Variants in ERBB4 observed in about 807,000 individuals in gnomAD.
ERBB4 encodes receptor tyrosine-protein kinase erbB-4.
In ERBB4, 42 loss-of-function variants were observed where a neutral mutation model predicts 158.0. The ratio of observed to expected loss-of-function variants is 0.27; its 90% CI spans 0.21 to 0.34. The LOEUF (loss-of-function observed/expected upper bound fraction) is 0.34, where lower values mean the gene tolerates loss of function less well. Among genes scored for constraint, ERBB4 ranks in the 10% least tolerant of loss-of-function variants. The pLI is 1.00. For synonymous variants in ERBB4, 583 were observed against 558.7 expected, an observed-to-expected ratio of 1.04 and a Z score of -0.61; for missense variants, 1,333 against 1,624.1, an observed-to-expected ratio of 0.82 and a Z score of 3.08.
chr2:211,525,983 G>T (rs1055505145), intron 20 of ERBB4, among the ~76,000 whole-genome samples: 1 of 152,112 alleles, frequency 6.6e-6, no homozygotes, highest in Non-Finnish European at 1.5e-5. Context: ...GCTGCCAGAT[G>T]GGGGAACTGG....
At chr2:211,944,206 A>ATATATATATATAG (rs371912701) in intron 3 of ERBB4, among the ~76,000 whole-genome samples, 23,520 of 103,650 alleles carry the variant, frequency 0.23, 3,691 homozygotes, top group Non-Finnish European at 0.31. Flanking sequence ...TATACTATAT[A>ATATATATATATAG]TATATATACA....
At chr2:211,716,569 G>C (rs542851465) in intron 7 of ERBB4, among the ~76,000 whole-genome samples, 1 of 151,810 alleles carries the variant, frequency 6.6e-6, no homozygotes, top group East Asian at 2.0e-4. Flanking sequence ...CCAGCTACTC[G>C]GGAGGCTGAG....
At chr2:211,913,671 G>A (rs1377424816) in intron 3 of ERBB4, among the ~76,000 whole-genome samples, 6 of 150,458 alleles carry the variant, frequency 4.0e-5, no homozygotes, top group Middle Eastern at 3.4e-3. Flanking sequence ...GTGTGTATGT[G>A]TGTGTGTATG....
chr2:211,645,010 G>A (rs1415902230), intron 16 of ERBB4, among the ~76,000 whole-genome samples: 1 of 151,780 alleles, frequency 6.6e-6, no homozygotes, highest in African/African-American at 2.4e-5. Flanking sequence ...GCAGTTATTG[G>A]GTCCTAAATT....
intron 25 of ERBB4, among the ~76,000 whole-genome samples, chr2:211,396,431 T>G (rs1398194810): frequency 6.6e-6 from 1 of 152,160 alleles, no homozygotes; most frequent in African/African-American, 2.4e-5. Context: ...GTTACTCTAT[T>G]TAGAGTTTAG....
intron 1 of ERBB4, among the ~76,000 whole-genome samples, chr2:212,361,004 A>G (rs2089666330): frequency 6.6e-6 from 1 of 151,696 alleles, no homozygotes; most frequent in Non-Finnish European, 1.5e-5. Context: ...AGCCAACTCA[A>G]CATGGATTCT....
rs552719500 is a variant in ERBB4 at position 211,788,051 on chromosome 2, A to T, written c.530T>A (p.Leu177His). 2 of 1,613,362 alleles carry T rather than the reference A, an allele frequency of 1.2e-6. No individual in the cohort carries two copies. Among genetic ancestry groups the T allele is most frequent in the African/African-American group, 2.7e-5 (2 of 75,052 alleles). The change falls in exon 4 of 28, where the codon CTT (leucine) becomes CAT (histidine). Residue 177 changes from leucine (L) to histidine (H), a missense_variant. Around this residue, in one of 5 missense-constraint regions of ERBB4, gnomAD observed 438 missense variants for 586.9 expected, o/e 0.75. Transcript: ENST00000342788. ...VRNPWPSNLT[L>H]VSTNGSSGCG... ...TCCTGAACTACCATTTGTTGACACA[A>T]GAGTCAAGTTGGAAGGCCATGGGTT...
chr2:212,360,269 C>T (rs1445466003), intron 1 of ERBB4, among the ~76,000 whole-genome samples: 5 of 151,610 alleles, frequency 3.3e-5, no homozygotes, highest in Non-Finnish European at 7.4e-5. Context: ...GAGTTAACTT[C>T]CACTCTCTCT....
At chr2:212,524,675 T>G (rs1323915882) in intron 1 of ERBB4, among the ~76,000 whole-genome samples, 1 of 148,094 alleles carries the variant, frequency 6.8e-6, no homozygotes, top group Non-Finnish European at 1.5e-5. Context: ...CTGTCTGTTG[T>G]GTTTAAGTCA....
intron 3 of ERBB4, among the ~76,000 whole-genome samples, chr2:211,904,309 T>C (rs1416091162): frequency 1.3e-5 from 2 of 152,090 alleles, no homozygotes; most frequent in African/African-American, 2.4e-5. Context: ...AATGAACTCA[T>C]GTACATTCTT....
chr2:211,880,344 T>C (rs1294330690), intron 3 of ERBB4, among the ~76,000 whole-genome samples: 1 of 152,202 alleles, frequency 6.6e-6, no homozygotes, highest in Non-Finnish European at 1.5e-5. Context: ...ATTATAGTAA[T>C]GTGTGTATAT....
At chr2:211,596,694 C>A (rs2068640621) in intron 19 of ERBB4, among the ~76,000 whole-genome samples, 1 of 151,938 alleles carries the variant, frequency 6.6e-6, no homozygotes, top group African/African-American at 2.4e-5. Flanking sequence ...CCCCTCTGAT[C>A]TATCTCTTCA....
At chr2:212,470,530 A>G (rs1335791924) in intron 1 of ERBB4, among the ~76,000 whole-genome samples, 5 of 152,138 alleles carry the variant, frequency 3.3e-5, no homozygotes, top group Admixed American at 6.6e-5. Context: ...TATTCTTTGA[A>G]TGGCAAAGTT....
intron 19 of ERBB4, among the ~76,000 whole-genome samples, chr2:211,568,193 T>C (rs1453812670): frequency 6.6e-6 from 1 of 151,974 alleles, no homozygotes; most frequent in Non-Finnish European, 1.5e-5. Context: ...CAGAAGGGAA[T>C]AATGTAACAG....
At chr2:211,949,337 T>G (rs543908534) in intron 2 of ERBB4, among the ~76,000 whole-genome samples, 14 of 152,276 alleles carry the variant, frequency 9.2e-5, no homozygotes, top group Admixed American at 4.6e-4. Flanking sequence ...CAAAATACTT[T>G]TACTGATGTA....
chr2:211,750,493 G>T, intron 5 of ERBB4, 146 bp downstream of exon 5: 2 of 716,412 alleles, frequency 2.8e-6, no homozygotes, highest in East Asian at 2.6e-5. Context: ...AATGAAAATC[G>T]GGTAGTTTTC....
intron 1 of ERBB4, among the ~76,000 whole-genome samples, chr2:212,407,196 T>C (rs1373180707): frequency 6.6e-6 from 1 of 151,442 alleles, no homozygotes; most frequent in Non-Finnish European, 1.5e-5. Flanking sequence ...TAAATACATA[T>C]ATGTATGTAT....
chr2:211,591,713 G>C (rs1178263448), intron 19 of ERBB4, among the ~76,000 whole-genome samples: 1 of 152,202 alleles, frequency 6.6e-6, no homozygotes, highest in Non-Finnish European at 1.5e-5. Flanking sequence ...TTAAAGCTTT[G>C]TGTATGTTAA....
intron 19 of ERBB4, among the ~76,000 whole-genome samples, chr2:211,589,716 G>C (rs1212333338): frequency 6.6e-6 from 1 of 152,040 alleles, no homozygotes; most frequent in Non-Finnish European, 1.5e-5. Context: ...AATCTATTTA[G>C]AAGTATTGCC....
Sources: gnomAD v4.1 joint callset for allele counts (sites outside exome capture counted in the v4.1 genomes callset) on GRCh38, gnomAD v4.1.1 for gene constraint, gnomAD v4.1.1 regional missense constraint, MANE v1.5 for transcripts, NCBI Gene and HGNC (gene_info 2026-07-23, HGNC 2026-07-21) for gene names.